Variants in TMEM273 observed in about 807,000 individuals in gnomAD.
The protein encoded by TMEM273 is transmembrane protein 273.
TMEM273 carries 19 observed loss-of-function variants against 17.9 expected under a neutral mutation model. The ratio of observed to expected loss-of-function variants is 1.06; its 90% confidence interval spans 0.74 to 1.55. The LOEUF is 1.55. Ranked by LOEUF, TMEM273 falls within the 40% of genes most tolerant of loss-of-function variation. TMEM273 has a pLI of 0.00. For synonymous variants in TMEM273, 66 were observed against 62.0 expected, an observed-to-expected ratio of 1.07 and a Z score of -0.31; for missense variants, 194 against 155.6, an observed-to-expected ratio of 1.25 and a Z score of -1.31.
chr10:49,181,438 A>G (rs898060896), intron 1 of TMEM273, among the ~76,000 whole-genome samples: 1 of 152,262 alleles, frequency 6.6e-6, no homozygotes, highest in Non-Finnish European at 1.5e-5. Context: ...ATAAAGTAGA[A>G]GAAATCACTC....
intron 1 of TMEM273, among the ~76,000 whole-genome samples, chr10:49,180,686 G>A (rs763194291): frequency 2.6e-5 from 4 of 151,988 alleles, no homozygotes; most frequent in South Asian, 2.1e-4. Context: ...CCATCACCTC[G>A]ATGATACAGA....
chr10:49,158,176 A>G (rs1291862593), intron 6 of TMEM273, among the ~76,000 whole-genome samples: 1 of 152,230 alleles, frequency 6.6e-6, no homozygotes, highest in Non-Finnish European at 1.5e-5. Flanking sequence ...ACAAAATCAG[A>G]TAATTTTTTA....
intron 3 of TMEM273, 123 bp downstream of exon 3, chr10:49,166,746 T>A: frequency 2.8e-6 from 4 of 1,451,812 alleles, no homozygotes; most frequent in Non-Finnish European, 3.8e-6. Flanking sequence ...GGTCACTGCC[T>A]TCCTTTACAG....
intron 1 of TMEM273, among the ~76,000 whole-genome samples, chr10:49,177,280 T>C (rs1590235263): frequency 2.0e-5 from 3 of 152,298 alleles, no homozygotes; most frequent in African/African-American, 7.2e-5. Context: ...CTTTTGGAAA[T>C]TGAAATAAAA....
intron 1 of TMEM273, among the ~76,000 whole-genome samples, chr10:49,168,510 T>A (rs552466478): frequency 4.9e-4 from 74 of 152,108 alleles, no homozygotes; most frequent in Non-Finnish European, 8.2e-4. Context: ...TAGCACTAGT[T>A]TGCTCCAGGC....
intron 5 of TMEM273, among the ~76,000 whole-genome samples, chr10:49,163,624 A>G (rs553963866): frequency 1.7e-4 from 26 of 152,276 alleles, no homozygotes; most frequent in African/African-American, 6.3e-4. Context: ...GATAAGTTAT[A>G]TATCCTGTCT....
rs780081838 is a variant in TMEM273, at chr10:49,166,968, T to G, written c.139A>C (p.Ile47Leu). ...TTCAGGGCCAGGAAGCCAGCAGATATGGCGACACCCACAGCAGTCCCGATG... is the reference window on the plus strand; with the variant it reads ...TTCAGGGCCAGGAAGCCAGCAGATAGGGCGACACCCACAGCAGTCCCGATG... Reference protein sequence around the residue: ...ALIGTAVGVAISAGFLALKIC... With the variant: ...ALIGTAVGVALSAGFLALKIC... Residue 47 changes from isoleucine (I) to leucine (L), a missense_variant, in exon 3 of 7, where the codon ATA becomes CTA. Physicochemically the swap from Ile to Leu is conservative, Grantham distance 5. Transcript: ENST00000374153. 6.2e-7 allele frequency: 1 copy of G among 1,614,098 alleles called. No individual in the cohort carries two copies. The highest frequency in any genetic ancestry group is 8.5e-7 in the Non-Finnish European group (1 of 1,180,012).
At chr10:49,180,858 C>G (rs564263835) in intron 1 of TMEM273, among the ~76,000 whole-genome samples, 4 of 152,162 alleles carry the variant, frequency 2.6e-5, no homozygotes, top group Non-Finnish European at 5.9e-5. Flanking sequence ...AGATCAGGAA[C>G]AAAGCAAGAA....
Position 49,167,922 on chromosome 10 carries a change from AG to A in TMEM273, c.83del (p.Pro28LeufsTer27), listed in dbSNP as rs2132160611. On this transcript the variant is annotated frameshift_variant, in exon 2 of 7. Coordinates refer to ENST00000374153, the MANE Select transcript of TMEM273 (RefSeq NM_001288740.3). LOFTEE classifies it high-confidence loss of function. ...GAQVLATGKT[P>X]GAEIDFKYAL... ...GCAGCCACGTACCAATTTCAGCCCC[AG>A]GGGTCTTGCCTGTTGCCAGCACTTG... 2 of 1,614,018 alleles carry A rather than the reference AG, an allele frequency of 1.2e-6. No homozygotes were observed. The highest frequency in any genetic ancestry group is 1.7e-6 in the Non-Finnish European group (2 of 1,179,992).
intron 1 of TMEM273, among the ~76,000 whole-genome samples, chr10:49,186,068 GGAAGAAGAAGAAGAAGAA>G (rs35480919): frequency 2.4e-4 from 16 of 67,090 alleles, no homozygotes; most frequent in African/African-American, 8.1e-4. Flanking sequence ...AAGAAGAAGA[GGAAGAAGAAGAAGAAGAA>G]GAAGAAGAAG....
At chr10:49,181,403 G>GA (rs1006145356) in intron 1 of TMEM273, among the ~76,000 whole-genome samples, 1 of 152,114 alleles carries the variant, frequency 6.6e-6, no homozygotes, top group African/African-American at 2.4e-5. Flanking sequence ...AGAGAAATGC[G>GA]AAAAATCTTT....
intron 1 of TMEM273, among the ~76,000 whole-genome samples, chr10:49,184,310 T>A (rs975463037): frequency 1.3e-5 from 2 of 152,144 alleles, no homozygotes; most frequent in African/African-American, 2.4e-5. Flanking sequence ...GACCAATAAA[T>A]GTGATTACAT....
intron 1 of TMEM273, among the ~76,000 whole-genome samples, chr10:49,181,492 T>C (rs1847339441): frequency 6.6e-6 from 1 of 152,156 alleles, no homozygotes; most frequent in Admixed American, 6.5e-5. Context: ...CAAGACTGTG[T>C]GGGATTGGCA....
intron 6 of TMEM273, among the ~76,000 whole-genome samples, chr10:49,157,764 T>A (rs1590174830): frequency 6.6e-6 from 1 of 152,224 alleles, no homozygotes; most frequent in Non-Finnish European, 1.5e-5. Flanking sequence ...GGATTTCCCA[T>A]CAAAGTCTGG....
intron 6 of TMEM273, chr10:49,161,231 G>T: frequency 3.7e-6 from 1 of 272,488 alleles, no homozygotes; most frequent in East Asian, 7.6e-5. Context: ...ATGATGACAT[G>T]AAGAGATGTT....
At chr10:49,176,817 A>C (rs1267547455) in intron 1 of TMEM273, among the ~76,000 whole-genome samples, 1 of 152,204 alleles carries the variant, frequency 6.6e-6, no homozygotes, top group East Asian at 1.9e-4. Flanking sequence ...ATCATTCGTA[A>C]ACCCTGCGAG....
intron 1 of TMEM273, among the ~76,000 whole-genome samples, chr10:49,176,678 A>G (rs1846993532): frequency 6.6e-6 from 1 of 152,056 alleles, no homozygotes; most frequent in Non-Finnish European, 1.5e-5. Context: ...GCATCCAGGG[A>G]GCGGGGCTGT....
At chr10:49,166,221 G>A (rs1176256825) in intron 3 of TMEM273, among the ~76,000 whole-genome samples, 1 of 152,174 alleles carries the variant, frequency 6.6e-6, no homozygotes, top group Non-Finnish European at 1.5e-5. Context: ...ATGAGTCTGG[G>A]GATGATACCC....
At chr10:49,172,487 A>G (rs373222333) in intron 1 of TMEM273, among the ~76,000 whole-genome samples, 1 of 152,102 alleles carries the variant, frequency 6.6e-6, no homozygotes, top group African/African-American at 2.4e-5. Flanking sequence ...CTGAGCAACA[A>G]GAGGCCCCAC....
Sources: allele counts gnomAD v4.1 joint callset (sites outside exome capture counted in the v4.1 genomes callset), GRCh38; gene constraint gnomAD v4.1.1; transcripts MANE v1.5; gene names NCBI Gene and HGNC (gene_info 2026-07-23, HGNC 2026-07-21).